The following KATNAL1 variants were observed in gnomAD, a reference collection of about 807,000 sequenced individuals.
The protein encoded by KATNAL1 is katanin catalytic subunit A1 like 1.
A neutral mutation model predicts 55.2 loss-of-function variants in KATNAL1; 32 were observed. The observed-to-expected ratio is 0.58, with a 90% confidence interval of 0.44 to 0.78. The LOEUF is 0.78. Among genes scored for constraint, KATNAL1 ranks in the 30% least tolerant of loss-of-function variants. KATNAL1 has a pLI of 0.00. For synonymous variants in KATNAL1, 193 were observed against 193.6 expected, an observed-to-expected ratio of 1.00 and a Z score of 0.02; for missense variants, 466 against 600.9, an observed-to-expected ratio of 0.78 and a Z score of 2.35.
At chr13:30,210,650 G>GAAAAAAAAAAAAAAA (rs33951005) in intron 9 of KATNAL1, 2 of 120,268 alleles carry the variant, frequency 1.7e-5, no homozygotes, top group Non-Finnish European at 3.4e-5. Context: ...ACTAAAAATT[G>GAAAAAAAAAAAAAAA]AAAAAAAAAA....
chr13:30,232,044 T>G (rs1457852875), intron 6 of KATNAL1, among the ~76,000 whole-genome samples: 1 of 152,184 alleles, frequency 6.6e-6, no homozygotes, highest in Non-Finnish European at 1.5e-5. Context: ...TTAGCTTATA[T>G]AAAATAGTAA....
At chr13:30,247,399 C>T (rs1877896990) in intron 4 of KATNAL1, among the ~76,000 whole-genome samples, 1 of 152,210 alleles carries the variant, frequency 6.6e-6, no homozygotes, top group South Asian at 2.1e-4. Flanking sequence ...TATCATTCTG[C>T]ACACCTATCA....
intron 2 of KATNAL1, among the ~76,000 whole-genome samples, chr13:30,281,451 A>G (rs1171802299): frequency 2.0e-5 from 3 of 152,178 alleles, no homozygotes; most frequent in Non-Finnish European, 4.4e-5. Flanking sequence ...CAGAATATAT[A>G]AAAAACATTT....
At chr13:30,218,715 C>T (rs1874556809) in intron 9 of KATNAL1, among the ~76,000 whole-genome samples, 1 of 152,158 alleles carries the variant, frequency 6.6e-6, no homozygotes, top group East Asian at 1.9e-4. Flanking sequence ...GAGCACTAAG[C>T]TACCATCTAT....
At chr13:30,304,230 C>A (rs1302213295) in intron 1 of KATNAL1, among the ~76,000 whole-genome samples, 2 of 151,396 alleles carry the variant, frequency 1.3e-5, no homozygotes, top group African/African-American at 4.8e-5. Flanking sequence ...ACTAGGGTCT[C>A]ATTTGTAGGC....
intron 6 of KATNAL1, among the ~76,000 whole-genome samples, chr13:30,231,984 T>C (rs1039654137): frequency 1.3e-5 from 2 of 152,118 alleles, no homozygotes; most frequent in Non-Finnish European, 2.9e-5. Flanking sequence ...AAAAATCCAG[T>C]GGTAATTCAA....
chr13:30,223,108 A>T (rs536843155), intron 9 of KATNAL1, among the ~76,000 whole-genome samples: 1 of 151,462 alleles, frequency 6.6e-6, no homozygotes, highest in South Asian at 2.1e-4. Flanking sequence ...CAAACAAACA[A>T]AAAAGAGATA....
intron 7 of KATNAL1, 112 bp from the exon 8 acceptor site, chr13:30,230,706 T>A: frequency 1.3e-6 from 1 of 757,294 alleles, no homozygotes; most frequent in Non-Finnish European, 2.1e-6. Context: ...CTCACTGTTT[T>A]AATGCCATCA....
At position 30,203,571 on chromosome 13, in the gene KATNAL1, T is replaced by C. The variant is rs1378275718; in HGVS notation, c.*4969A>G. The C allele has an allele frequency of 6.6e-6, 1 of 152,216 alleles. No individual in the cohort carries two copies. The highest frequency in any genetic ancestry group is 6.5e-5 in the Admixed American group (1 of 15,282). The allele number at this position is 152,216 out of a possible 1,614,324, so 9.4% of individuals were successfully genotyped here. On this transcript the variant is annotated 3_prime_UTR_variant, in exon 11 of 11. Transcript: ENST00000380615. ...CCTATTTTTTTGTGTCAAATTTCCATATGTACAAAAACCTACACACTGTTG... is the reference window on the plus strand; with the variant it reads ...CCTATTTTTTTGTGTCAAATTTCCACATGTACAAAAACCTACACACTGTTG...
chr13:30,211,587 G>A (rs1052490121), intron 9 of KATNAL1, among the ~76,000 whole-genome samples: 2 of 152,116 alleles, frequency 1.3e-5, no homozygotes, highest in Admixed American at 1.3e-4. Flanking sequence ...CAGTTCCCCA[G>A]TGTTTACTTT....
chr13:30,286,216 CA>C (rs1256499259), intron 1 of KATNAL1, among the ~76,000 whole-genome samples: 1 of 152,190 alleles, frequency 6.6e-6, no homozygotes, highest in Non-Finnish European at 1.5e-5. Flanking sequence ...AGCTAATCAC[CA>C]AGACAATGGG....
intron 9 of KATNAL1, among the ~76,000 whole-genome samples, chr13:30,225,613 C>A (rs1038495213): frequency 3.3e-5 from 5 of 150,416 alleles, no homozygotes; most frequent in Non-Finnish European, 7.4e-5. Flanking sequence ...AGTGATGATA[C>A]AACTGCATAT....
intron 3 of KATNAL1, among the ~76,000 whole-genome samples, chr13:30,277,979 T>G: frequency 1.9e-5 from 1 of 53,972 alleles, no homozygotes; most frequent in Non-Finnish European, 3.2e-5. Flanking sequence ...CGAGACTCCG[T>G]CTCAAAAAAA....
At chr13:30,246,798 C>T (rs1160107349) in intron 4 of KATNAL1, among the ~76,000 whole-genome samples, 6 of 152,184 alleles carry the variant, frequency 3.9e-5, no homozygotes, top group Admixed American at 2.6e-4. Flanking sequence ...AAAAGTTCAT[C>T]ATCACTGGTC....
At position 30,258,891 on chromosome 13, in the gene KATNAL1, A is replaced by G. The variant is rs115966046; in HGVS notation, c.324-3276T>C. On this transcript the variant is annotated intron_variant, in intron 3 of 10. Coordinates refer to ENST00000380615, the MANE Select transcript of KATNAL1 (RefSeq NM_032116.5). ...TTCCAGAATTTAATCATTAAGGATA[A>G]CTTCTGGTTCTAAAAAGGACTTTAG... is the stretch of plus-strand genomic sequence containing the variant. 4.3e-3 allele frequency among the ~76,000 whole-genome samples: 659 copies of G among 152,298 alleles called. 3 individuals carry two copies. Among genetic ancestry groups the G allele is most frequent in the African/African-American group, 0.015 (631 of 41,540 alleles).
intron 1 of KATNAL1, among the ~76,000 whole-genome samples, chr13:30,304,788 A>G (rs1049612803): frequency 1.3e-5 from 2 of 152,102 alleles, no homozygotes; most frequent in African/African-American, 2.4e-5. Context: ...AACTCAACTA[A>G]TATCTTTATA....
At chr13:30,252,884 T>C (rs971668514) in intron 4 of KATNAL1, among the ~76,000 whole-genome samples, 1 of 152,058 alleles carries the variant, frequency 6.6e-6, no homozygotes, top group Non-Finnish European at 1.5e-5. Context: ...GTAGCTGGGA[T>C]TACAGGCATG....
chr13:30,275,043 G>T (rs1379237519), intron 3 of KATNAL1, among the ~76,000 whole-genome samples: 2 of 151,936 alleles, frequency 1.3e-5, no homozygotes, highest in African/African-American at 4.8e-5. Context: ...CATACTACGT[G>T]ATCTGACTGT....
At chr13:30,295,263 G>T (rs1325294586) in intron 1 of KATNAL1, among the ~76,000 whole-genome samples, 3 of 152,198 alleles carry the variant, frequency 2.0e-5, no homozygotes, top group Admixed American at 2.0e-4. Flanking sequence ...CTAGATGCCA[G>T]TAAGAACATT....
Sources: gnomAD v4.1 joint callset for allele counts (sites outside exome capture counted in the v4.1 genomes callset) on GRCh38, gnomAD v4.1.1 for gene constraint, MANE v1.5 for transcripts, NCBI Gene and HGNC (gene_info 2026-07-23, HGNC 2026-07-21) for gene names.